Variants in PEPD observed in about 807,000 individuals in gnomAD.
PEPD encodes xaa-Pro dipeptidase.
PEPD carries 53 observed loss-of-function variants against 60.7 expected under a neutral mutation model. The observed-to-expected ratio is 0.87, with a 90% CI of 0.70 to 1.10. The LOEUF is 1.10. PEPD is among the 50% of genes least tolerant of loss of function. The pLI, the probability that PEPD is intolerant of heterozygous loss-of-function variation, is 0.00. For synonymous variants in PEPD, 267 were observed against 284.1 expected (o/e 0.94, Z 0.60); for missense variants, 711 against 711.9 (o/e 1.00, Z 0.01).
At chr19:33,476,000 T>C (rs1035313310) in intron 7 of PEPD, among the ~76,000 whole-genome samples, 1 of 152,136 alleles carries the variant, frequency 6.6e-6, no homozygotes, top group Non-Finnish European at 1.5e-5. Flanking sequence ...GCTAGGACTA[T>C]AGGAGTCCAA....
chr19:33,483,090 AT>A (rs1242567967), intron 6 of PEPD, among the ~76,000 whole-genome samples: 1 of 152,248 alleles, frequency 6.6e-6, no homozygotes, highest in Admixed American at 6.5e-5. Context: ...AAATCAAAAA[AT>A]ATCCATGGCT....
At chr19:33,401,276 T>G (rs1290010227) in intron 12 of PEPD, among the ~76,000 whole-genome samples, 2 of 152,166 alleles carry the variant, frequency 1.3e-5, no homozygotes, top group Non-Finnish European at 2.9e-5. Context: ...GCTTCCCCAT[T>G]TACAGATGTG....
intron 7 of PEPD, among the ~76,000 whole-genome samples, chr19:33,470,295 C>T (rs1970099142): frequency 6.6e-6 from 1 of 152,132 alleles, no homozygotes; most frequent in Non-Finnish European, 1.5e-5. Context: ...TCAGGCTTCC[C>T]CTCGTTTCCA....
intron 9 of PEPD, among the ~76,000 whole-genome samples, chr19:33,430,925 A>G (rs1969258007): frequency 6.6e-6 from 1 of 152,108 alleles, no homozygotes; most frequent in Admixed American, 6.5e-5. Flanking sequence ...AAGGAACCAC[A>G]GTGTATCTCT....
rs141078892 is a variant in PEPD at position 33,421,065 on chromosome 19, G to A, written c.672-7422C>T. Among the ~76,000 whole-genome samples, 493 of 152,318 alleles carry A rather than the reference G, an allele frequency of 3.2e-3. 2 individuals carry two copies. The highest frequency in any genetic ancestry group is 0.011 in the African/African-American group (470 of 41,558). On this transcript the variant is annotated intron_variant, in intron 9 of 14. Transcript: ENST00000244137. ...TCACTGCTGGCCGGTGTTCTACTGC[G>A]GGGGTGGGCCCCCGTGTGTTTCTCC...
intron 3 of PEPD, among the ~76,000 whole-genome samples, chr19:33,505,146 C>A (rs1409697905): frequency 6.6e-6 from 1 of 152,182 alleles, no homozygotes; most frequent in Non-Finnish European, 1.5e-5. Context: ...CACCTGCATG[C>A]GATTAATGAA....
In PEPD at chr19:33,418,366, C is replaced by A. The variant is rs560281515; in HGVS notation, c.672-4723G>T. ...ATGCCCTGAGACACCTCAGGCCGAG[C>A]AGAGCGTGCCTTATGGTCCCCAAAG... is the stretch of plus-strand genomic sequence containing the variant. On this transcript the variant is annotated intron_variant, in intron 9 of 14. Coordinates refer to ENST00000244137, the MANE Select transcript of PEPD (RefSeq NM_000285.4). 1.2e-4 allele frequency among the ~76,000 whole-genome samples: 19 copies of A among 152,352 alleles called. No individual in the cohort carries two copies. The South Asian group carries it at 3.9e-3, about 32-fold the overall frequency.
At chr19:33,464,956 G>A (rs1037398210) in intron 7 of PEPD, among the ~76,000 whole-genome samples, 7 of 152,144 alleles carry the variant, frequency 4.6e-5, no homozygotes, top group African/African-American at 9.7e-5. Context: ...TCAGAGCACC[G>A]GCCTGGGAGA....
intron 11 of PEPD, among the ~76,000 whole-genome samples, chr19:33,404,708 G>C (rs1358554631): frequency 6.6e-6 from 1 of 152,124 alleles, no homozygotes; most frequent in Non-Finnish European, 1.5e-5. Context: ...CTGCTTTCTG[G>C]AGGGGGAAGT....
intron 9 of PEPD, among the ~76,000 whole-genome samples, chr19:33,435,180 C>T (rs993487571): frequency 4.6e-5 from 7 of 152,146 alleles, no homozygotes; most frequent in Non-Finnish European, 7.3e-5. Flanking sequence ...CGCGGCTGCC[C>T]GAAAGCCACC....
chr19:33,489,421 G>A (rs984593481), intron 6 of PEPD, among the ~76,000 whole-genome samples: 4 of 152,184 alleles, frequency 2.6e-5, no homozygotes, highest in Non-Finnish European at 5.9e-5. Flanking sequence ...CTGAGGTCAC[G>A]AGTTCGAGAC....
rs2145367537 is a variant in PEPD at position 33,413,635 on chromosome 19, T to C, written c.680A>G (p.Glu227Gly). ...GCCGCCCCGGGAGTAGCAGTAGTGC[T>C]CGAAGAGGCTGCAGGGGGAGAGACG... ...MKEYELESLFEHYCYSRGGMR... is the reference protein window; with the variant it reads ...MKEYELESLFGHYCYSRGGMR... The change falls in exon 10 of 15, where the codon GAG (glutamate) becomes GGG (glycine). Residue 227 changes from glutamate to glycine, a missense_variant. Glu to Gly is a moderately conservative substitution (Grantham distance 98). Transcript: ENST00000244137. 6.3e-7 allele frequency: 1 copy of C among 1,584,176 alleles called. No homozygotes were observed. Among genetic ancestry groups the C allele is most frequent in the Non-Finnish European group, 8.6e-7 (1 of 1,163,460 alleles).
chr19:33,389,442 C>T (rs188881527), intron 13 of PEPD, among the ~76,000 whole-genome samples: 125 of 150,460 alleles, frequency 8.3e-4, no homozygotes, highest in African/African-American at 2.8e-3. Context: ...CTGGGGGTCC[C>T]AGGGTCTCTG....
At chr19:33,426,663 C>T (rs1212133012) in intron 9 of PEPD, among the ~76,000 whole-genome samples, 1 of 152,258 alleles carries the variant, frequency 6.6e-6, no homozygotes, top group Non-Finnish European at 1.5e-5. Context: ...GGAGGCAGCG[C>T]CAAGCCAGTG....
chr19:33,512,787 A>G lies in PEPD; in HGVS notation c.18-11T>C, dbSNP rs1022293995. ...AGCCAAAACGAGGGTCTGCAGAGGC[A>G]AGAGCACACACCGCCACACAGGCCT... On this transcript the variant is annotated splice_polypyrimidine_tract_variant and intron_variant, in intron 1 of 14. Transcript: ENST00000244137. 1.2e-6 allele frequency: 2 copies of G among 1,613,704 alleles called. No homozygotes were observed. Among genetic ancestry groups the G allele is most frequent in the Non-Finnish European group, 1.7e-6 (2 of 1,179,892 alleles).
intron 9 of PEPD, among the ~76,000 whole-genome samples, chr19:33,436,530 C>T (rs532499518): frequency 6.6e-6 from 1 of 152,334 alleles, no homozygotes; most frequent in African/African-American, 2.4e-5. Context: ...TCGAGAGACC[C>T]ACCCCACTCC....
intron 13 of PEPD, chr19:33,389,212 C>T (rs1242406587): frequency 6.6e-6 from 1 of 152,330 alleles, no homozygotes; most frequent in Admixed American, 6.5e-5. Context: ...GCCACGCTGA[C>T]CTGGAGAGAG....
intron 9 of PEPD, among the ~76,000 whole-genome samples, chr19:33,448,074 A>G (rs1269712348): frequency 6.6e-6 from 1 of 152,196 alleles, no homozygotes; most frequent in African/African-American, 2.4e-5. Flanking sequence ...GGATGAAACC[A>G]TTCATGTCAT....
At chr19:33,493,232 C>T in intron 5 of PEPD, 58 bp downstream of exon 5, 1 of 1,238,184 alleles carries the variant, frequency 8.1e-7, no homozygotes, top group Non-Finnish European at 1.2e-6. Context: ...GAGGTGGCCC[C>T]CATAAAAACC....
Sources: allele counts gnomAD v4.1 joint callset (sites outside exome capture counted in the v4.1 genomes callset), GRCh38; gene constraint gnomAD v4.1.1; transcripts MANE v1.5; gene names NCBI Gene and HGNC (gene_info 2026-07-23, HGNC 2026-07-21).